The following CSE1L variants were observed in gnomAD, a reference collection of about 807,000 sequenced individuals.
CSE1L encodes the protein exportin-2.
CSE1L carries 24 observed loss-of-function variants against 120.4 expected under a neutral mutation model. That is an observed-to-expected ratio of 0.20 (90% CI 0.14 to 0.28). The LOEUF (loss-of-function observed/expected upper bound fraction) is 0.28. CSE1L is among the 10% of genes least tolerant of loss of function. CSE1L has a pLI of 1.00. For missense variants in CSE1L, 830 were observed against 1,145.2 expected, an observed-to-expected ratio of 0.72 and a Z score of 3.97; for synonymous variants, 402 against 398.3, an observed-to-expected ratio of 1.01 and a Z score of -0.11.
intron 8 of CSE1L, among the ~76,000 whole-genome samples, chr20:49,071,238 A>C (rs1352595260): frequency 1.3e-5 from 2 of 152,204 alleles, no homozygotes; most frequent in Non-Finnish European, 2.9e-5. Flanking sequence ...ATTTTGTCTC[A>C]GAGTTTGACT....
chr20:49,047,370 T>TAGCC (rs2091722468), intron 1 of CSE1L, among the ~76,000 whole-genome samples: 2 of 152,064 alleles, frequency 1.3e-5, no homozygotes, highest in Non-Finnish European at 2.9e-5. Flanking sequence ...TCTTTCTCCT[T>TAGCC]AGCCAGTGTG....
At chr20:49,048,146 CT>C (rs34878925) in intron 1 of CSE1L, among the ~76,000 whole-genome samples, 27,880 of 128,408 alleles carry the variant, frequency 0.22, 2,142 homozygotes, top group Non-Finnish European at 0.24. Context: ...GTGTCTCTCT[CT>C]TTTTTTTTTT....
chr20:49,058,963 C>G (rs1368422849), intron 2 of CSE1L, among the ~76,000 whole-genome samples: 1 of 152,028 alleles, frequency 6.6e-6, no homozygotes, highest in Non-Finnish European at 1.5e-5. Context: ...AACCCCGTCT[C>G]TACTAAAAGT....
chr20:49,060,244 G>C (rs1006967198), intron 2 of CSE1L, among the ~76,000 whole-genome samples: 5 of 151,674 alleles, frequency 3.3e-5, no homozygotes, highest in Non-Finnish European at 4.4e-5. Flanking sequence ...AGCATTTTGG[G>C]AAGCCAAGGC....
At chr20:49,074,596 T>A (rs1230768187) in intron 10 of CSE1L, among the ~76,000 whole-genome samples, 189 bp from the exon 11 acceptor site, 2 of 152,210 alleles carry the variant, frequency 1.3e-5, no homozygotes, top group East Asian at 3.8e-4. Flanking sequence ...GTGAATTACC[T>A]AATACCTCAC....
At chr20:49,064,198 G>T (rs763480130) in intron 3 of CSE1L, among the ~76,000 whole-genome samples, 1 of 152,180 alleles carries the variant, frequency 6.6e-6, no homozygotes, top group African/African-American at 2.4e-5. Context: ...AGAAAGCCTG[G>T]CTCATGATAG....
intron 1 of CSE1L, among the ~76,000 whole-genome samples, chr20:49,048,458 G>A (rs2091739568): frequency 6.6e-6 from 1 of 152,070 alleles, no homozygotes; most frequent in Admixed American, 6.6e-5. Context: ...TCTCGTGGGC[G>A]AAAGAAAAAA....
chr20:49,071,712 G>T (rs1040710347), intron 8 of CSE1L, among the ~76,000 whole-genome samples: 12 of 152,138 alleles, frequency 7.9e-5, no homozygotes, highest in Non-Finnish European at 1.6e-4. Flanking sequence ...CCTGGGCTTG[G>T]CCCGTCGCAG....
chr20:49,049,308 C>T (rs1398140422), intron 1 of CSE1L, among the ~76,000 whole-genome samples: 2 of 151,898 alleles, frequency 1.3e-5, no homozygotes, highest in Non-Finnish European at 1.5e-5. Context: ...CTCAGCCTCC[C>T]GAGTAGCTAG....
chr20:49,081,836 AAC>A (rs2092014804), intron 14 of CSE1L, among the ~76,000 whole-genome samples: 2 of 152,336 alleles, frequency 1.3e-5, no homozygotes, highest in Admixed American at 6.5e-5. Flanking sequence ...AAATATTTTA[AAC>A]ACACAAGCAG....
rs2091961976 is a variant in CSE1L at position 49,075,373 on chromosome 20, T to C, written c.1188T>C (p.Phe396=). 6.2e-7 allele frequency: 1 copy of C among 1,614,148 alleles called. No individual in the cohort carries two copies. Among genetic ancestry groups the C allele is most frequent in the Non-Finnish European group, 8.5e-7 (1 of 1,180,016 alleles). The change falls in exon 12 of 25, where the codon TTT becomes TTC. Residue 396 remains phenylalanine (F), a synonymous_variant. Coordinates refer to ENST00000262982, the MANE Select transcript of CSE1L (RefSeq NM_001316.4). ...ACDLVRGLCK[F]FEGPVTGIFS... is the part of the protein sequence containing the mutation. ...ATCTGGTACGAGGATTATGCAAGTT[T>C]TTTGAGGGACCTGTGACAGGAATCT...
intron 15 of CSE1L, 139 bp from the exon 16 acceptor site, chr20:49,085,144 C>G: frequency 1.5e-6 from 1 of 658,782 alleles, no homozygotes; most frequent in Non-Finnish European, 2.7e-6. Context: ...AATTATTTTC[C>G]TAAACTGTCT....
intron 15 of CSE1L, among the ~76,000 whole-genome samples, chr20:49,084,674 A>AAAAT (rs2092039550): frequency 6.6e-6 from 1 of 152,206 alleles, no homozygotes; most frequent in South Asian, 2.1e-4. Context: ...GGGGACCAAG[A>AAAAT]AAATAGGTCT....
chr20:49,050,739 G>A (rs1422447378), intron 1 of CSE1L, among the ~76,000 whole-genome samples: 1 of 151,700 alleles, frequency 6.6e-6, no homozygotes, highest in African/African-American at 2.4e-5. Context: ...AAAATTTTTT[G>A]TAGAGACAGG....
chr20:49,065,311 AAATTTTTT>A lies in CSE1L; in HGVS notation c.229-880_229-873del, dbSNP rs1237340627. On this transcript the variant is annotated intron_variant, in intron 3 of 24. Transcript: ENST00000262982. Reference sequence around the variant, plus strand: ...TTAGTTTACATATGAAATGAAAAAAAAATTTTTTTTTTTTTTTTTTTTTTTTTTTGAGA... The same window carrying A: ...TTAGTTTACATATGAAATGAAAAAAATTTTTTTTTTTTTTTTTTTTTGAGA... Among the ~76,000 whole-genome samples, 7 of 66,928 alleles carry A rather than the reference AAATTTTTT, an allele frequency of 1.0e-4. 1 individual carries two copies. Among genetic ancestry groups the A allele is most frequent in the Admixed American group, 2.0e-4 (1 of 4,888 alleles). The allele number at this position is 66,928 out of a possible 152,430, so 43.9% of individuals were successfully genotyped here. A position where few individuals can be genotyped will look rare whatever the true frequency, so the allele number is the denominator to read the frequency against.
intron 3 of CSE1L, 136 bp from the exon 4 acceptor site, chr20:49,066,056 T>G: frequency 4.2e-6 from 3 of 708,066 alleles, no homozygotes; most frequent in Non-Finnish European, 7.0e-6. Context: ...AGAGGGAAAC[T>G]GAAGAAAGAC....
intron 14 of CSE1L, among the ~76,000 whole-genome samples, chr20:49,081,831 T>A (rs1568781512): frequency 6.6e-6 from 1 of 152,192 alleles, no homozygotes; most frequent in South Asian, 2.1e-4. Flanking sequence ...TTGCAAAATA[T>A]TTTAAACACA....
Position 49,074,829 on chromosome 20 carries a change from A to G in CSE1L, c.1111A>G (p.Arg371Gly). ...TGAAGATAATTCTGAGGAGTACATA[A>G]GGAGAGATTTGGAAGGATCTGGTGT... ...AFEDNSEEYIRRDLEGSDIDT... is the reference protein window; with the variant it reads ...AFEDNSEEYIGRDLEGSDIDT... Residue 371 changes from arginine to glycine, a missense_variant, in exon 11 of 25, where the codon AGG becomes GGG. Physicochemically the swap from Arg to Gly is moderately radical, Grantham distance 125. Transcript: ENST00000262982. 6.2e-7 allele frequency: 1 copy of G among 1,612,996 alleles called. No individual in the cohort carries two copies. Among genetic ancestry groups the G allele is most frequent in the Non-Finnish European group, 8.5e-7 (1 of 1,179,606 alleles).
At chr20:49,061,332 C>T (rs576104904) in intron 2 of CSE1L, among the ~76,000 whole-genome samples, 78 of 149,986 alleles carry the variant, frequency 5.2e-4, no homozygotes, top group African/African-American at 1.7e-3. Context: ...GCCACCATGC[C>T]TACCTAATTA....
Sources: gnomAD v4.1 joint callset for allele counts (sites outside exome capture counted in the v4.1 genomes callset) on GRCh38, gnomAD v4.1.1 for gene constraint, MANE v1.5 for transcripts, NCBI Gene and HGNC (gene_info 2026-07-23, HGNC 2026-07-21) for gene names.